Variants in NMNAT3 observed in about 807,000 individuals in gnomAD.
NMNAT3 encodes nicotinamide/nicotinic acid mononucleotide adenylyltransferase 3.
In NMNAT3, 21 loss-of-function variants were observed where a neutral mutation model predicts 24.8. The ratio of observed to expected loss-of-function variants is 0.85; its 90% CI spans 0.60 to 1.22. The LOEUF (loss-of-function observed/expected upper bound fraction) is 1.22, where lower values mean the gene tolerates loss of function less well. Ranked by LOEUF, NMNAT3 falls within the 50% of genes most tolerant of loss-of-function variation. The pLI is 0.00. For missense variants in NMNAT3, 387 were observed against 436.6 expected (o/e 0.89, Z 1.01); for synonymous variants, 136 against 155.2 (o/e 0.88, Z 0.92).
intron 3 of NMNAT3, among the ~76,000 whole-genome samples, chr3:139,596,964 A>ATATATATATATTTT (rs1405063694): frequency 3.7e-5 from 4 of 108,558 alleles, no homozygotes; most frequent in Non-Finnish European, 7.4e-5. Context: ...ATATATATAT[A>ATATATATATATTTT]TTTTTATTAC....
At chr3:139,599,165 C>A in intron 3 of NMNAT3, 1 of 574,956 alleles carries the variant, frequency 1.7e-6, no homozygotes, top group Non-Finnish European at 3.1e-6. Context: ...GCACACTTAT[C>A]AGCATTTTAT....
intron 1 of NMNAT3, among the ~76,000 whole-genome samples, chr3:139,642,599 T>G (rs2056742702): frequency 6.6e-6 from 1 of 152,182 alleles, no homozygotes; most frequent in Non-Finnish European, 1.5e-5. Flanking sequence ...GAACTTAACC[T>G]CAGGGTAAGC....
intron 3 of NMNAT3, among the ~76,000 whole-genome samples, chr3:139,622,104 T>C (rs1427473150): frequency 6.6e-6 from 1 of 152,190 alleles, no homozygotes; most frequent in Non-Finnish European, 1.5e-5. Context: ...TACCTTGTAG[T>C]GGGATTGCTG....
chr3:139,630,205 T>C (rs2056234648), intron 2 of NMNAT3, among the ~76,000 whole-genome samples: 2 of 152,210 alleles, frequency 1.3e-5, no homozygotes, highest in African/African-American at 4.8e-5. Context: ...CTCCTGTAGA[T>C]TTTGCTTCTG....
chr3:139,593,989 C>T (rs1166464787), intron 3 of NMNAT3, among the ~76,000 whole-genome samples: 4 of 150,922 alleles, frequency 2.7e-5, no homozygotes, highest in African/African-American at 4.9e-5. Context: ...AATAGAGACA[C>T]AAAAAACCCT....
At chr3:139,645,285 C>T (rs2108368500) in intron 1 of NMNAT3, among the ~76,000 whole-genome samples, 1 of 152,274 alleles carries the variant, frequency 6.6e-6, no homozygotes, top group South Asian at 2.1e-4. Flanking sequence ...CAATAGTTTC[C>T]TCTCACCTCG....
chr3:139,594,527 C>T (rs2054354274), intron 3 of NMNAT3, among the ~76,000 whole-genome samples: 1 of 152,170 alleles, frequency 6.6e-6, no homozygotes, highest in African/African-American at 2.4e-5. Flanking sequence ...AATTTTAGAC[C>T]AGTATCCTTG....
intron 1 of NMNAT3, among the ~76,000 whole-genome samples, chr3:139,663,806 T>G (rs963299848): frequency 6.6e-6 from 1 of 152,190 alleles, no homozygotes; most frequent in Non-Finnish European, 1.5e-5. Flanking sequence ...AAGGGGGAGA[T>G]GTAGACTTAT....
In NMNAT3 at chr3:139,561,307, C is replaced by A; in HGVS notation, c.744G>T (p.Gln248His). ...CCAAGCCAAACTTCTCCACTATTTC[C>A]TGGATGTGCGCATCCTTCCAGAGGT... is the stretch of plus-strand genomic sequence containing the variant. The change falls in exon 7 of 7, where the codon CAG becomes CAT. Residue 248 changes from glutamine (Q) to histidine (H), a missense_variant. This residue lies in a region of NMNAT3 where 323 missense variants were observed against 345.2 expected (regional missense o/e 0.94). Coordinates refer to ENST00000643695, the MANE Select transcript of NMNAT3 (RefSeq NM_001320510.2). The A allele has an allele frequency of 6.2e-7, 1 of 1,614,062 alleles. No individual in the cohort carries two copies. The highest frequency in any genetic ancestry group is 1.1e-5 in the South Asian group (1 of 91,058).
intron 1 of NMNAT3, among the ~76,000 whole-genome samples, chr3:139,673,358 T>C (rs2057819984): frequency 6.6e-6 from 1 of 152,202 alleles, no homozygotes; most frequent in Non-Finnish European, 1.5e-5. Context: ...CACAGCATTA[T>C]TCTCCCATTT....
At chr3:139,617,412 C>T (rs1453988155) in intron 3 of NMNAT3, among the ~76,000 whole-genome samples, 1 of 152,204 alleles carries the variant, frequency 6.6e-6, no homozygotes, top group Non-Finnish European at 1.5e-5. Flanking sequence ...TACTTTCTGG[C>T]TGTGTGATCT....
At chr3:139,605,043 AC>A (rs200401452) in intron 3 of NMNAT3, among the ~76,000 whole-genome samples, 3,275 of 152,244 alleles carry the variant, frequency 0.022, 107 homozygotes, top group African/African-American at 0.072. Context: ...TTATCCCATA[AC>A]TTATCAGGTG....
chr3:139,572,172 G>A, intron 6 of NMNAT3: 1 of 398,810 alleles, frequency 2.5e-6, no homozygotes, highest in South Asian at 1.3e-4. Context: ...TTCTCAGCCT[G>A]AGCCCAGAGT....
chr3:139,602,866 T>C (rs572225912), intron 3 of NMNAT3, among the ~76,000 whole-genome samples: 21 of 152,368 alleles, frequency 1.4e-4, no homozygotes, highest in African/African-American at 4.6e-4. Context: ...GTCTAATGGA[T>C]TCCTTGTACA....
At chr3:139,599,391 T>C in intron 3 of NMNAT3, 1 of 702,472 alleles carries the variant, frequency 1.4e-6, no homozygotes, top group Non-Finnish European at 2.6e-6. Context: ...TCATGCACAC[T>C]TTTGCCCATT....
chr3:139,662,130 T>C (rs1459477013), intron 1 of NMNAT3, among the ~76,000 whole-genome samples: 1 of 152,070 alleles, frequency 6.6e-6, no homozygotes, highest in Non-Finnish European at 1.5e-5. Context: ...CTTGGAGATA[T>C]GGGGGCTCTC....
chr3:139,577,263 T>G (rs1319317575), intron 5 of NMNAT3, among the ~76,000 whole-genome samples: 1 of 152,244 alleles, frequency 6.6e-6, no homozygotes, highest in Non-Finnish European at 1.5e-5. Flanking sequence ...TTATCTGTTT[T>G]GAGGACAAAT....
chr3:139,656,844 AATCTT>A lies in NMNAT3; in HGVS notation c.-140-18787_-140-18783del, dbSNP rs202239528. ...TTTGTGGTAGAAAACAGGAATTCCA[AATCTT>A]ATTATTTTCACATTTTGAACCTTCA... On this transcript the variant is annotated intron_variant, in intron 1 of 6. Transcript: ENST00000643695. Among the ~76,000 whole-genome samples, 653 of 152,276 alleles carry A rather than the reference AATCTT, an allele frequency of 4.3e-3. 15 individuals carry two copies. The highest frequency in any genetic ancestry group is 0.038 in the Admixed American group (580 of 15,286).
chr3:139,599,019 A>G (rs1409571081), intron 3 of NMNAT3: 1 of 355,366 alleles, frequency 2.8e-6, no homozygotes, highest in African/African-American at 2.1e-5. Flanking sequence ...AGAGCTGACC[A>G]TCCCCCTCAG....
Sources: gnomAD v4.1 joint callset for allele counts (sites outside exome capture counted in the v4.1 genomes callset) on GRCh38, gnomAD v4.1.1 for gene constraint, gnomAD v4.1.1 regional missense constraint, MANE v1.5 for transcripts, NCBI Gene and HGNC (gene_info 2026-07-23, HGNC 2026-07-21) for gene names.